OR3A2: variants seen among roughly 807,000 people sequenced by gnomAD.
OR3A2 encodes the protein olfactory receptor family 3 subfamily A member 2.
For missense variants in OR3A2, 318 were observed against 392.8 expected (o/e 0.81, Z 1.61); for synonymous variants, 126 against 159.3 (o/e 0.79, Z 1.57).
intron 2 of OR3A2, among the ~76,000 whole-genome samples, chr17:3,371,583 T>C (rs2049621599): frequency 8.2e-6 from 1 of 121,956 alleles, no homozygotes; most frequent in Non-Finnish European, 1.7e-5. Context: ...TTCCCCCACC[T>C]CCCTCCCGGA....
intron 3 of OR3A2, among the ~76,000 whole-genome samples, chr17:3,319,182 A>C (rs2150634600): frequency 6.6e-6 from 1 of 152,268 alleles, no homozygotes; most frequent in East Asian, 1.9e-4. Context: ...ATTCTACTGT[A>C]TGCAAGGACA....
At chr17:3,347,221 T>C (rs1888692802) in intron 2 of OR3A2, among the ~76,000 whole-genome samples, 2 of 133,566 alleles carry the variant, frequency 1.5e-5, no homozygotes, top group South Asian at 5.6e-4. Context: ...ATATGTCTGT[T>C]TGCCATTTGT....
At chr17:3,292,454 C>T in intron 3 of OR3A2, 1 of 1,613,492 alleles carries the variant, frequency 6.2e-7, no homozygotes, top group South Asian at 1.1e-5. Context: ...TGAGGTTGCC[C>T]CTGACCGTGA....
At chr17:3,333,996 T>C (rs399126) in intron 3 of OR3A2, among the ~76,000 whole-genome samples, 62,866 of 151,820 alleles carry the variant, frequency 0.41, 13,275 homozygotes, top group Admixed American at 0.52. Context: ...CAAAAACATA[T>C]GAAAAAAAGC....
chr17:3,376,801 TC>T (rs55890827), intron 2 of OR3A2, among the ~76,000 whole-genome samples: 152,188 of 152,190 alleles, frequency 1, 76,093 homozygotes, highest in Non-Finnish European at 1. Flanking sequence ...CTTTGGCCCC[TC>T]CCCCAATTCT....
intron 3 of OR3A2, chr17:3,291,403 C>T (rs1184727221): frequency 2.8e-5 from 12 of 423,560 alleles, no homozygotes; most frequent in Non-Finnish European, 3.8e-5. Flanking sequence ...GGAGAGAACA[C>T]GGTGCCTGAA....
chr17:3,308,741 T>C (rs573623326), intron 3 of OR3A2, among the ~76,000 whole-genome samples: 1 of 152,226 alleles, frequency 6.6e-6, no homozygotes, highest in South Asian at 2.1e-4. Context: ...TCTGGAGACC[T>C]GAGGACGGCA....
chr17:3,379,879 T>G (rs2049718254), intron 2 of OR3A2, among the ~76,000 whole-genome samples: 1 of 152,124 alleles, frequency 6.6e-6, no homozygotes, highest in East Asian at 1.9e-4. Context: ...TCTACCTCAG[T>G]TCTGGCTTCC....
intron 2 of OR3A2, among the ~76,000 whole-genome samples, chr17:3,375,592 G>A (rs528192865): frequency 9.2e-5 from 14 of 152,092 alleles, no homozygotes; most frequent in African/African-American, 1.7e-4. Context: ...ATGAGCCACC[G>A]TGCCTGGCCC....
intron 2 of OR3A2, among the ~76,000 whole-genome samples, chr17:3,349,782 G>T (rs1479483561): frequency 6.6e-6 from 1 of 151,786 alleles, no homozygotes; most frequent in African/African-American, 2.4e-5. Flanking sequence ...ATACTTGGAA[G>T]TAAAGCACTC....
chr17:3,286,849 T>C (rs1437179248), upstream of OR3A2, among the ~76,000 whole-genome samples: 1 of 152,184 alleles, frequency 6.6e-6, no homozygotes, highest in East Asian at 1.9e-4. Context: ...ATTGCAAAAA[T>C]TTTCTCCCAT....
chr17:3,276,155 A>T (rs987196583), downstream of OR3A2, among the ~76,000 whole-genome samples: 2 of 152,196 alleles, frequency 1.3e-5, no homozygotes, highest in Non-Finnish European at 2.9e-5. Flanking sequence ...TGTTGTTGCA[A>T]AACAATTGAA....
chr17:3,371,875 G>T (rs1478931986), intron 2 of OR3A2, among the ~76,000 whole-genome samples: 2 of 143,394 alleles, frequency 1.4e-5, no homozygotes, highest in East Asian at 4.5e-4. Flanking sequence ...CGGGAGGGGA[G>T]CTGACCCCCC....
At chr17:3,371,548 G>A (rs2049620885) in intron 2 of OR3A2, among the ~76,000 whole-genome samples, 1 of 145,878 alleles carries the variant, frequency 6.9e-6, no homozygotes, top group Non-Finnish European at 1.5e-5. Flanking sequence ...TCCCGGACGG[G>A]GCGGCTGGCC....
At chr17:3,365,196 T>G (rs1436132911) in intron 2 of OR3A2, among the ~76,000 whole-genome samples, 1 of 152,088 alleles carries the variant, frequency 6.6e-6, no homozygotes, top group Non-Finnish European at 1.5e-5. Context: ...AATTCATAGT[T>G]CCCGACTGTA....
chr17:3,323,634 T>C (rs375474872), intron 3 of OR3A2, among the ~76,000 whole-genome samples: 2 of 152,126 alleles, frequency 1.3e-5, no homozygotes, highest in Non-Finnish European at 2.9e-5. Context: ...TTTGGCTGGA[T>C]ATGAAATTCT....
intron 3 of OR3A2, among the ~76,000 whole-genome samples, chr17:3,319,942 G>A (rs2049106090): frequency 6.6e-6 from 1 of 152,322 alleles, no homozygotes; most frequent in East Asian, 1.9e-4. Flanking sequence ...AGATCCTTGA[G>A]GAATCGCCAC....
chr17:3,315,964 GCT>G (rs901823323), intron 3 of OR3A2, among the ~76,000 whole-genome samples: 3 of 152,070 alleles, frequency 2.0e-5, no homozygotes, highest in African/African-American at 7.2e-5. Context: ...AAACCAAACA[GCT>G]CTTATCCTTA....
chr17:3,336,402 T>A (rs1023643856), intron 2 of OR3A2, among the ~76,000 whole-genome samples: 1 of 152,220 alleles, frequency 6.6e-6, no homozygotes, highest in Non-Finnish European at 1.5e-5. Context: ...AAAACAATAA[T>A]TTTCATACAT....
Sources: allele counts gnomAD v4.1 joint callset (sites outside exome capture counted in the v4.1 genomes callset), GRCh38; gene constraint gnomAD v4.1.1; transcripts MANE v1.5; gene names NCBI Gene and HGNC (gene_info 2026-07-23, HGNC 2026-07-21).